The following ADARB1 variants were observed in gnomAD, a reference collection of about 807,000 sequenced individuals.
ADARB1 encodes double-stranded RNA-specific editase 1.
In ADARB1, 10 loss-of-function variants were observed where a neutral mutation model predicts 52.4. That is an observed-to-expected ratio of 0.19 (90% confidence interval 0.12 to 0.32). The LOEUF (loss-of-function observed/expected upper bound fraction) is 0.32, where lower values mean the gene tolerates loss of function less well. Among genes scored for constraint, ADARB1 ranks in the 10% least tolerant of loss-of-function variants. ADARB1 has a pLI of 1.00. For missense variants in ADARB1, 643 were observed against 922.3 expected, an observed-to-expected ratio of 0.70 and a Z score of 3.92; for synonymous variants, 349 against 371.1, an observed-to-expected ratio of 0.94 and a Z score of 0.68.
chr21:45,202,046 C>T (rs933610790), intron 8 of ADARB1, among the ~76,000 whole-genome samples: 6 of 151,770 alleles, frequency 4.0e-5, no homozygotes, highest in Non-Finnish European at 7.4e-5. Context: ...GGGATCTGGC[C>T]GGAGGACTGC....
Position 45,176,776 on chromosome 21 carries a change from G to A in ADARB1, c.963+112G>A. 8.4e-7 allele frequency: 1 copy of A among 1,196,476 alleles called. No homozygotes were observed. Among genetic ancestry groups the A allele is most frequent in the South Asian group, 1.6e-5 (1 of 62,892 alleles). The allele number at this position is 1,196,476 out of a possible 1,614,324, so 74.1% of individuals were successfully genotyped here. A position where few individuals can be genotyped will look rare whatever the true frequency, so the allele number is the denominator to read the frequency against. On this transcript the variant is annotated intron_variant, in intron 4 of 10. Coordinates refer to ENST00000348831, the MANE Select transcript of ADARB1 (RefSeq NM_001112.4). This position sits in a 1 kb window ranked among gnomAD's most constrained non-coding sequence, Gnocchi z 5.8. ...TGACTTTCCACCTTGACATCACTCT[G>A]TCCCCACCAGGAGGAGTTACTGGTA... is the stretch of plus-strand genomic sequence containing the variant.
intron 9 of ADARB1, among the ~76,000 whole-genome samples, chr21:45,216,408 T>A (rs543940883): frequency 6.6e-6 from 1 of 152,306 alleles, no homozygotes; most frequent in Non-Finnish European, 1.5e-5. Context: ...GGTCATTGTT[T>A]TAAGACCCTT....
chr21:45,101,006 G>GGCAGCAGCA, intron 1 of ADARB1: 1 of 152,876 alleles, frequency 6.5e-6, no homozygotes, highest in Non-Finnish European at 1.5e-5. Flanking sequence ...GAGCAGGACT[G>GGCAGCAGCA]GCAGCAGCAG....
intron 1 of ADARB1, among the ~76,000 whole-genome samples, chr21:45,115,877 A>G (rs78329113): frequency 0.011 from 1,734 of 152,318 alleles, 20 homozygotes; most frequent in East Asian, 0.048. Flanking sequence ...CCATGATGTC[A>G]CCACATTAAA....
chr21:45,177,733 C>A (rs532375478), intron 4 of ADARB1, among the ~76,000 whole-genome samples: 52 of 152,216 alleles, frequency 3.4e-4, no homozygotes, highest in South Asian at 2.5e-3. Context: ...TTCTTTTTTG[C>A]TGTTGGCTAC....
rs2085833739 is a variant in ADARB1 at position 45,074,614 on chromosome 21, G to GGCGGCGGCAGCGGCGGCCAA, written c.-393_-374dup. The GGCGGCGGCAGCGGCGGCCAA allele has an allele frequency of 6.7e-6, 1 of 149,476 alleles. No individual in the cohort carries two copies. Among genetic ancestry groups the GGCGGCGGCAGCGGCGGCCAA allele is most frequent in the Admixed American group, 6.8e-5 (1 of 14,738 alleles). 9.3% of individuals were successfully genotyped at this position (149,476 alleles called of 1,614,324 possible). ...AGGCGGCCGTGGCGGCGGCGGCGGC[G>GGCGGCGGCAGCGGCGGCCAA]GCGGCGGCAGCGGCGGCCAAGCGGC... is the stretch of plus-strand genomic sequence containing the variant. On this transcript the variant is annotated 5_prime_UTR_variant, in exon 1 of 11. Coordinates refer to ENST00000348831, the MANE Select transcript of ADARB1 (RefSeq NM_001112.4).
chr21:45,182,997 T>C (rs1282940691), intron 6 of ADARB1, among the ~76,000 whole-genome samples: 2 of 152,220 alleles, frequency 1.3e-5, no homozygotes, highest in African/African-American at 4.8e-5. Context: ...CATGTGATTT[T>C]GTTGTATGCT....
At position 45,199,359 on chromosome 21, in the gene ADARB1, C is replaced by T. The variant is rs74471449; in HGVS notation, c.1566-5196C>T. The stretch of plus-strand genomic sequence containing the variant: ...CAGAGCTCAGGCACAGGGCTCCACT[C>T]GCTATGGGGCAGCTGGGGTGGCCGG... On this transcript the variant is annotated intron_variant, in intron 8 of 10. Transcript: ENST00000348831. Among the ~76,000 whole-genome samples, 1,048 of 152,302 alleles carry T rather than the reference C, an allele frequency of 6.9e-3. 16 individuals carry two copies. The highest frequency in any genetic ancestry group is 0.024 in the African/African-American group (999 of 41,560).
chr21:45,183,401 A>G lies in ADARB1; in HGVS notation c.1287A>G (p.Ser429=). 3 of 1,604,874 alleles carry G rather than the reference A, an allele frequency of 1.9e-6. No homozygotes were observed. Among genetic ancestry groups the G allele is most frequent in the Non-Finnish European group, 2.5e-6 (3 of 1,177,536 alleles). Residue 429 remains serine (S), a synonymous_variant, in exon 7 of 11, where the codon TCA becomes TCG. Coordinates refer to ENST00000348831, the MANE Select transcript of ADARB1 (RefSeq NM_001112.4). ...DDQKRSIFQK[S]ERGGFRLKEN... ...AAAAAAGATCCATCTTTCAGAAATC[A>G]GAGCGAGGGGGGTTTAGGCTGAAGG...
chr21:45,155,363 C>T (rs1301679945), intron 2 of ADARB1, among the ~76,000 whole-genome samples: 3 of 152,124 alleles, frequency 2.0e-5, no homozygotes, highest in Non-Finnish European at 2.9e-5. Flanking sequence ...AAGCAGGCGG[C>T]TGTCGTACCA....
At chr21:45,116,228 C>T (rs1569024019) in intron 1 of ADARB1, among the ~76,000 whole-genome samples, 1 of 152,228 alleles carries the variant, frequency 6.6e-6, no homozygotes, top group Non-Finnish European at 1.5e-5. Context: ...TTGGAATTGG[C>T]CTTTTCTCCA....
At position 45,200,210 on chromosome 21, in the gene ADARB1, C is replaced by A. The variant is rs1382355986; in HGVS notation, c.1566-4345C>A. 6.6e-6 allele frequency among the ~76,000 whole-genome samples: 1 copy of A among 152,114 alleles called. No individual in the cohort carries two copies. Among genetic ancestry groups the A allele is most frequent in the Non-Finnish European group, 1.5e-5 (1 of 68,020 alleles). The stretch of plus-strand genomic sequence containing the variant: ...ACAGTGACAGGCAGAGGGCCCAGGG[C>A]CATGGTAGGTTGGGGGTGGGGTGGG... On this transcript the variant is annotated intron_variant, in intron 8 of 10. Transcript: ENST00000348831. The surrounding 1 kb of genome is among the most constrained non-coding windows in gnomAD (Gnocchi z 5.0).
In ADARB1 at chr21:45,198,088, CAGAA is replaced by C. The variant is rs1275661709; in HGVS notation, c.1566-6464_1566-6461del. On this transcript the variant is annotated intron_variant, in intron 8 of 10. Coordinates refer to ENST00000348831, the MANE Select transcript of ADARB1 (RefSeq NM_001112.4). ...AGAAAATGCTTATATAAGTAAATGA[CAGAA>C]AGCACCACAACTATATGAATTAGAA... 2.6e-5 allele frequency among the ~76,000 whole-genome samples: 4 copies of C among 152,084 alleles called. No homozygotes were observed. The East Asian group carries it at 7.7e-4, about 29-fold the overall frequency.
At chr21:45,077,518 T>C (rs2085988525) in intron 1 of ADARB1, among the ~76,000 whole-genome samples, 1 of 151,828 alleles carries the variant, frequency 6.6e-6, no homozygotes, top group East Asian at 1.9e-4. Flanking sequence ...ATATAAAAAA[T>C]CAGCCGGGCA....
At chr21:45,199,317 C>G (rs1172695565) in intron 8 of ADARB1, among the ~76,000 whole-genome samples, 1 of 152,198 alleles carries the variant, frequency 6.6e-6, no homozygotes, top group Non-Finnish European at 1.5e-5. Flanking sequence ...ACACTTCAGC[C>G]AGCTCAGCTC....
chr21:45,209,815 G>T (rs2092733108), intron 9 of ADARB1, among the ~76,000 whole-genome samples: 3 of 152,210 alleles, frequency 2.0e-5, no homozygotes, highest in African/African-American at 7.2e-5. Flanking sequence ...CTTCTGAGAA[G>T]TTTCCTTCTG....
At chr21:45,141,182 C>T (rs912040409) in intron 2 of ADARB1, among the ~76,000 whole-genome samples, 6 of 151,968 alleles carry the variant, frequency 3.9e-5, no homozygotes, top group African/African-American at 4.8e-5. Flanking sequence ...GGCGACAGAG[C>T]GAGACCCTGT....
chr21:45,147,537 C>T (rs1386778254), intron 2 of ADARB1, among the ~76,000 whole-genome samples: 1 of 152,188 alleles, frequency 6.6e-6, no homozygotes, highest in Non-Finnish European at 1.5e-5. Flanking sequence ...AACGTGCTAC[C>T]TTAGACTGGA....
In ADARB1 at chr21:45,184,906, C is replaced by T. The variant is rs1234347984; in HGVS notation, c.1397-17C>T. ...TGGTTTACTACCTGTGGGGTTTTAA[C>T]TCTTTTTCTCTCTTAGAACCAGCAG... On this transcript the variant is annotated splice_polypyrimidine_tract_variant and intron_variant, in intron 7 of 10. Transcript: ENST00000348831. 3.1e-6 allele frequency: 5 copies of T among 1,594,528 alleles called. No homozygotes were observed. Among genetic ancestry groups the T allele is most frequent in the East Asian group, 4.5e-5 (2 of 44,398 alleles).
Sources: allele counts gnomAD v4.1 joint callset (sites outside exome capture counted in the v4.1 genomes callset), GRCh38; gene constraint gnomAD v4.1.1; non-coding constraint Gnocchi (gnomAD v3.1); transcripts MANE v1.5; gene names NCBI Gene and HGNC (gene_info 2026-07-23, HGNC 2026-07-21).